Variants in EPB41L4B observed in about 807,000 individuals in gnomAD.
EPB41L4B encodes the protein erythrocyte membrane protein band 4.1 like 4B.
A neutral mutation model predicts 112.5 loss-of-function variants in EPB41L4B; 30 were observed. The observed-to-expected ratio is 0.27, with a 90% CI of 0.20 to 0.36. EPB41L4B has a LOEUF of 0.36. Ranked by LOEUF, EPB41L4B falls within the 10% of genes least tolerant of loss-of-function variation. The pLI is 1.00. For missense variants in EPB41L4B, 1,024 were observed against 1,133.3 expected (o/e 0.90, Z 1.38); for synonymous variants, 408 against 439.7 (o/e 0.93, Z 0.90).
chr9:109,202,677 GGGT>G lies in EPB41L4B; in HGVS notation c.1946+983_1946+985del, dbSNP rs1276733293. ...GGAGGAAGGACTTCCTCTGGGTTTGGGGTGGTGGTGGCCTGGAAGCTTTAAAGA... is the reference window on the plus strand; with the variant it reads ...GGAGGAAGGACTTCCTCTGGGTTTGGGGTGGTGGCCTGGAAGCTTTAAAGA... On this transcript the variant is annotated intron_variant, in intron 19 of 25. Transcript: ENST00000374566. 3.3e-5 allele frequency among the ~76,000 whole-genome samples: 5 copies of G among 152,282 alleles called. No homozygotes were observed. In the East Asian group the frequency reaches 9.6e-4, roughly 29 times the overall value.
chr9:109,258,134 C>A, intron 7 of EPB41L4B, 43 bp downstream of exon 7: 1 of 1,584,844 alleles, frequency 6.3e-7, no homozygotes, highest in Non-Finnish European at 8.6e-7. Context: ...TTATTTATGA[C>A]AAAATAGATA....
rs1837851041 is a variant in EPB41L4B at position 109,320,863 on chromosome 9, C to A, written c.-417G>T. The A allele has an allele frequency of 6.8e-6, 1 of 147,296 alleles. No individual in the cohort carries two copies. The highest frequency in any genetic ancestry group is 6.8e-5 in the Admixed American group (1 of 14,760). The allele number at this position is 147,296 out of a possible 1,614,324, so 9.1% of individuals were successfully genotyped here. On this transcript the variant is annotated 5_prime_UTR_variant, in exon 1 of 26. Transcript: ENST00000374566. ...CGCGCCGGCCGAGGGCCAGCCGGAG[C>A]AGGGCGCCTGCGTGGTCCTGGCGCG...
In EPB41L4B at chr9:109,176,610, C is replaced by T. The variant is rs1564244620; in HGVS notation, c.2574G>A (p.Glu858=). 1 of 1,614,042 alleles carries T rather than the reference C, an allele frequency of 6.2e-7. No homozygotes were observed. The highest frequency in any genetic ancestry group is 8.5e-7 in the Non-Finnish European group (1 of 1,179,994). ...IPAATLRPLT[E]TVSTVQTIYT... is the part of the protein sequence containing the mutation. Reference sequence around the variant, plus strand: ...AAATGGTCTGCACTGTGGAGACGGTCTCTGTCAAAGGCCTCAGGGTCGCTG... The same window carrying T: ...AAATGGTCTGCACTGTGGAGACGGTTTCTGTCAAAGGCCTCAGGGTCGCTG... The change falls in exon 25 of 26, where the codon GAG becomes GAA. Residue 858 remains glutamate, a synonymous_variant. Transcript: ENST00000374566.
intron 15 of EPB41L4B, among the ~76,000 whole-genome samples, chr9:109,235,544 C>T (rs1019309652): frequency 6.6e-6 from 1 of 152,008 alleles, no homozygotes; most frequent in Non-Finnish European, 1.5e-5. Context: ...TACACAGGCA[C>T]ACACCACCAC....
intron 15 of EPB41L4B, chr9:109,240,531 C>T (rs915016500): frequency 1.0e-6 from 1 of 985,114 alleles, no homozygotes; most frequent in African/African-American, 1.7e-5. Context: ...ACTAATAAAA[C>T]ATTTCAGGTC....
At chr9:109,269,062 C>T (rs533956104) in intron 2 of EPB41L4B, among the ~76,000 whole-genome samples, 1 of 152,278 alleles carries the variant, frequency 6.6e-6, no homozygotes, top group East Asian at 1.9e-4. Flanking sequence ...TTCTGAGTTT[C>T]TCAAGTTACA....
intron 7 of EPB41L4B, 69 bp from the exon 8 acceptor site, chr9:109,256,549 C>A: frequency 7.4e-7 from 1 of 1,344,812 alleles, no homozygotes; most frequent in Admixed American, 1.9e-5. Context: ...AAGGGCACGG[C>A]CTTACTATGG....
At chr9:109,276,561 T>C (rs1835837575) in intron 2 of EPB41L4B, among the ~76,000 whole-genome samples, 2 of 152,216 alleles carry the variant, frequency 1.3e-5, no homozygotes, top group African/African-American at 2.4e-5. Context: ...CCACCTGTTT[T>C]TGCCTCAAAT....
chr9:109,231,496 A>G (rs1833951558), intron 15 of EPB41L4B, among the ~76,000 whole-genome samples: 2 of 152,200 alleles, frequency 1.3e-5, no homozygotes, highest in African/African-American at 4.8e-5. Flanking sequence ...TCTATTCATA[A>G]AAGTTGCACT....
intron 12 of EPB41L4B, among the ~76,000 whole-genome samples, chr9:109,252,156 C>T (rs1834812171): frequency 6.6e-6 from 1 of 152,176 alleles, no homozygotes; most frequent in South Asian, 2.1e-4. Flanking sequence ...GTCCACTTCC[C>T]TCTGTGACAG....
intron 24 of EPB41L4B, among the ~76,000 whole-genome samples, chr9:109,182,399 T>C (rs542020015): frequency 6.6e-6 from 1 of 152,068 alleles, no homozygotes; most frequent in South Asian, 2.1e-4. Context: ...TGCCAGCAGG[T>C]AGGAACAAAG....
chr9:109,180,178 C>G (rs760776748), intron 24 of EPB41L4B, among the ~76,000 whole-genome samples: 4 of 152,220 alleles, frequency 2.6e-5, no homozygotes, highest in Non-Finnish European at 4.4e-5. Context: ...CCCGCCCGCC[C>G]TGGGGGTCTG....
rs147422019 is a variant in EPB41L4B at position 109,207,749 on chromosome 9, C to T, written c.1878+175G>A. On this transcript the variant is annotated intron_variant, in intron 18 of 25. Transcript: ENST00000374566. ...CTTTTCACCCTTTCATGTACCTAATCCTTTTAAATTAAAATCATGGTTCAC... is the reference window on the plus strand; with the variant it reads ...CTTTTCACCCTTTCATGTACCTAATTCTTTTAAATTAAAATCATGGTTCAC... Among the ~76,000 whole-genome samples the T allele has an allele frequency of 4.6e-5, 7 of 152,238 alleles. No homozygotes were observed. The East Asian group carries it at 1.2e-3, about 25-fold the overall frequency.
At position 109,256,035 on chromosome 9, in the gene EPB41L4B, G is replaced by C. The variant is rs1834971513; in HGVS notation, c.929+101C>G. 5 of 1,212,504 alleles carry C rather than the reference G, an allele frequency of 4.1e-6. No homozygotes were observed. The South Asian group carries it at 5.3e-5, about 13-fold the overall frequency. The allele number at this position is 1,212,504 out of a possible 1,614,324, so 75.1% of individuals were successfully genotyped here. On this transcript the variant is annotated intron_variant, in intron 9 of 25. Coordinates refer to ENST00000374566, the MANE Select transcript of EPB41L4B (RefSeq NM_019114.5). ...CAGCAGCACCGTGTGCTCTGAGGAT[G>C]AATCTGGGTGTTGCAGATACCCCTC... is the stretch of plus-strand genomic sequence containing the variant.
intron 15 of EPB41L4B, 125 bp from the exon 16 acceptor site, chr9:109,217,270 G>C: frequency 2.6e-6 from 2 of 775,612 alleles, no homozygotes; most frequent in Non-Finnish European, 4.2e-6. Flanking sequence ...TAGATCTGTA[G>C]TTATTATAAA....
chr9:109,260,942 A>C (rs1180366130), intron 6 of EPB41L4B, among the ~76,000 whole-genome samples: 2 of 152,162 alleles, frequency 1.3e-5, no homozygotes, highest in East Asian at 3.9e-4. Context: ...ACAAGCTTGC[A>C]ATATTGTGCC....
In EPB41L4B at chr9:109,247,926, T is replaced by C. The variant is rs1479817922; in HGVS notation, c.1311-137A>G. The C allele has an allele frequency of 1.1e-5, 6 of 563,392 alleles. No homozygotes were observed. In the Admixed American group the frequency reaches 1.8e-4, roughly 17 times the overall value. 34.9% of individuals were successfully genotyped at this position (563,392 alleles called of 1,614,324 possible). A position where few individuals can be genotyped will look rare whatever the true frequency, so the allele number is the denominator to read the frequency against. ...TAATAGGAACTTCCACATAATGACTTTTTTTTGGTTATTGGCTGTTTAAAA... is the reference window on the plus strand; with the variant it reads ...TAATAGGAACTTCCACATAATGACTCTTTTTTGGTTATTGGCTGTTTAAAA... On this transcript the variant is annotated intron_variant, in intron 13 of 25. Transcript: ENST00000374566.
chr9:109,241,298 G>A, intron 15 of EPB41L4B: 1 of 1,005,554 alleles, frequency 9.9e-7, no homozygotes, highest in South Asian at 4.3e-5. Context: ...TTCTACGACA[G>A]GAATATATGC....
chr9:109,262,989 C>G, intron 6 of EPB41L4B, 61 bp downstream of exon 6: 1 of 1,169,528 alleles, frequency 8.6e-7, no homozygotes, highest in Non-Finnish European at 1.3e-6. Context: ...TGTGGACACT[C>G]ATTTGTTGAA....
Sources: allele counts gnomAD v4.1 joint callset (sites outside exome capture counted in the v4.1 genomes callset), GRCh38; gene constraint gnomAD v4.1.1; transcripts MANE v1.5; gene names NCBI Gene and HGNC (gene_info 2026-07-23, HGNC 2026-07-21).